Variants in SPTLC2 observed in about 807,000 individuals in gnomAD.
The protein encoded by SPTLC2 is serine palmitoyltransferase long chain base subunit 2, also known as serine palmitoyltransferase 2.
In SPTLC2, 21 loss-of-function variants were observed where a neutral mutation model predicts 62.0. That is an observed-to-expected ratio of 0.34 (90% CI 0.24 to 0.49). The LOEUF is 0.49. SPTLC2 is among the 20% of genes least tolerant of loss of function. The pLI, the probability that SPTLC2 is intolerant of heterozygous loss-of-function variation, is 0.99. For synonymous variants in SPTLC2, 261 were observed against 261.8 expected (o/e 1.00, Z 0.03); for missense variants, 511 against 713.0 (o/e 0.72, Z 3.23).
Position 77,518,176 on chromosome 14 carries a change from G to A in SPTLC2, c.1440-9C>T, listed in dbSNP as rs2079367989. 5 of 1,613,992 alleles carry A rather than the reference G, an allele frequency of 3.1e-6. No homozygotes were observed. The East Asian group carries it at 8.9e-5, about 29-fold the overall frequency. On this transcript the variant is annotated splice_polypyrimidine_tract_variant and intron_variant, in intron 10 of 11. Coordinates refer to ENST00000216484, the MANE Select transcript of SPTLC2 (RefSeq NM_004863.4). ...TCTCCCGTCCAAAGGCGCTGCAAAG[G>A]GGAAAACAAGAACAGAAACCAGGAG...
chr14:77,594,934 C>T (rs954226618), intron 2 of SPTLC2, among the ~76,000 whole-genome samples: 1 of 152,140 alleles, frequency 6.6e-6, no homozygotes, highest in African/African-American at 2.4e-5. Context: ...AGGATACAGG[C>T]CTGTGAACAA....
intron 1 of SPTLC2, among the ~76,000 whole-genome samples, chr14:77,610,983 C>T: frequency 1.1e-5 from 1 of 91,480 alleles, no homozygotes; most frequent in African/African-American, 4.2e-5. Flanking sequence ...ATAGTAAGAC[C>T]CATCTCTACA....
chr14:77,530,501 G>A (rs2079432973), intron 9 of SPTLC2, among the ~76,000 whole-genome samples: 1 of 151,908 alleles, frequency 6.6e-6, no homozygotes, highest in Admixed American at 6.6e-5. Flanking sequence ...GCTAATTTTT[G>A]TATTTTTAGT....
intron 7 of SPTLC2, 98 bp downstream of exon 7, chr14:77,556,943 G>T: frequency 1.0e-6 from 1 of 955,050 alleles, no homozygotes; most frequent in Non-Finnish European, 1.7e-6. Flanking sequence ...TGTCTCCTTA[G>T]TTTCCAGAGG....
chr14:77,601,301 G>A (rs1049040729), intron 1 of SPTLC2, among the ~76,000 whole-genome samples: 3 of 151,992 alleles, frequency 2.0e-5, no homozygotes, highest in Admixed American at 6.6e-5. Context: ...CACCCTAACC[G>A]ATCAATGTAC....
intron 9 of SPTLC2, among the ~76,000 whole-genome samples, chr14:77,536,816 A>G (rs987524804): frequency 9.9e-5 from 15 of 152,142 alleles, no homozygotes; most frequent in African/African-American, 3.1e-4. Flanking sequence ...CCTATGGACA[A>G]TTTTCTGCAG....
intron 2 of SPTLC2, among the ~76,000 whole-genome samples, chr14:77,581,244 T>A (rs139251911): frequency 1.3e-5 from 2 of 152,164 alleles, no homozygotes; most frequent in Non-Finnish European, 2.9e-5. Flanking sequence ...AAGATTTTCA[T>A]TGCTAAAGAA....
intron 5 of SPTLC2, among the ~76,000 whole-genome samples, chr14:77,563,324 C>G (rs2079625083): frequency 6.6e-6 from 1 of 152,138 alleles, no homozygotes; most frequent in Admixed American, 6.5e-5. Flanking sequence ...AACTGCCTCA[C>G]CCTCACATTT....
In SPTLC2 at chr14:77,509,925, T is replaced by C; in HGVS notation, c.*2359A>G. ...TAAATGCCGGTACTGACATTTGAATTTGCAGTGACTTCATGCAAGCCAAAA... is the reference window on the plus strand; with the variant it reads ...TAAATGCCGGTACTGACATTTGAATCTGCAGTGACTTCATGCAAGCCAAAA... On this transcript the variant is annotated 3_prime_UTR_variant, in exon 12 of 12. Transcript: ENST00000216484. 2.5e-6 allele frequency: 1 copy of C among 398,450 alleles called. No homozygotes were observed. Among genetic ancestry groups the C allele is most frequent in the Non-Finnish European group, 4.4e-6 (1 of 225,978 alleles). 24.7% of individuals were successfully genotyped at this position (398,450 alleles called of 1,614,324 possible).
intron 5 of SPTLC2, among the ~76,000 whole-genome samples, chr14:77,564,289 G>A (rs2079631386): frequency 1.2e-5 from 1 of 80,164 alleles, no homozygotes; most frequent in Non-Finnish European, 2.8e-5. Context: ...AGGAGGAAAA[G>A]GAGGAAGAGG....
Position 77,531,521 on chromosome 14 carries a change from CTTCTTT to C in SPTLC2, c.1304-9946_1304-9941del, listed in dbSNP as rs1465582612. 2.4e-5 allele frequency among the ~76,000 whole-genome samples: 3 copies of C among 123,298 alleles called. No homozygotes were observed. The East Asian group carries it at 8.8e-4, about 36-fold the overall frequency. 80.9% of individuals were successfully genotyped at this position (123,298 alleles called of 152,430 possible). On this transcript the variant is annotated intron_variant, in intron 9 of 11. Coordinates refer to ENST00000216484, the MANE Select transcript of SPTLC2 (RefSeq NM_004863.4). ...TCCTCCTCCTCCTCTTCTTCTTCTT[CTTCTTT>C]TTTGTGATGGAGTTTTGCTTTTGTT...
intron 1 of SPTLC2, 56 bp from the exon 2 acceptor site, chr14:77,597,436 C>A: frequency 6.5e-7 from 1 of 1,529,080 alleles, no homozygotes; most frequent in Non-Finnish European, 9.0e-7. Flanking sequence ...ACATTCCTAC[C>A]TAAAATCTAG....
intron 6 of SPTLC2, among the ~76,000 whole-genome samples, chr14:77,560,340 T>G (rs924201558): frequency 1.3e-5 from 2 of 152,036 alleles, no homozygotes; most frequent in Non-Finnish European, 2.9e-5. Context: ...ATAATCCCAG[T>G]ACTGGGAGGC....
chr14:77,510,505 C>G lies in SPTLC2; in HGVS notation c.*1779G>C, dbSNP rs2079326900. The stretch of plus-strand genomic sequence containing the variant: ...CTTTTTTTTTTGAGACACAGTTTTG[C>G]TCTGTCACCCAGGCTAGAGTGCAGT... On this transcript the variant is annotated 3_prime_UTR_variant, in exon 12 of 12. Transcript: ENST00000216484. The G allele has an allele frequency of 6.6e-6, 1 of 152,030 alleles. No individual in the cohort carries two copies. Among genetic ancestry groups the G allele is most frequent in the South Asian group, 2.1e-4 (1 of 4,824 alleles). The allele number at this position is 152,030 out of a possible 1,614,324, so 9.4% of individuals were successfully genotyped here.
intron 1 of SPTLC2, among the ~76,000 whole-genome samples, chr14:77,611,537 A>C (rs2140067673): frequency 6.6e-6 from 1 of 152,210 alleles, no homozygotes; most frequent in African/African-American, 2.4e-5. Flanking sequence ...TTAAAAAACA[A>C]ACCTCCGGCT....
chr14:77,560,694 T>C (rs866390314), intron 6 of SPTLC2, among the ~76,000 whole-genome samples: 1 of 151,020 alleles, frequency 6.6e-6, no homozygotes, highest in African/African-American at 2.4e-5. Context: ...AAGAATGAGA[T>C]CATGTCCTTT....
rs554625950 is a variant in SPTLC2, at chr14:77,555,235, C to CT, written c.1176+64dup. Reference sequence around the variant, plus strand: ...CAGTTCAGGGCCCCATCTGCTAGGCCTGAGGTACCAAATCTAATTGCCAGT... The same window carrying CT: ...CAGTTCAGGGCCCCATCTGCTAGGCCTTGAGGTACCAAATCTAATTGCCAGT... On this transcript the variant is annotated intron_variant, in intron 8 of 11. Coordinates refer to ENST00000216484, the MANE Select transcript of SPTLC2 (RefSeq NM_004863.4). 80 of 1,601,640 alleles carry CT rather than the reference C, an allele frequency of 5.0e-5. No homozygotes were observed. The South Asian group carries it at 8.1e-4, about 16-fold the overall frequency.
chr14:77,574,551 ACAG>A (rs1463481269), intron 4 of SPTLC2, among the ~76,000 whole-genome samples: 1 of 152,240 alleles, frequency 6.6e-6, no homozygotes, highest in Non-Finnish European at 1.5e-5. Flanking sequence ...ACCCACGTTC[ACAG>A]CAGCACTGCT....
chr14:77,531,896 G>C (rs1295206597), intron 9 of SPTLC2, among the ~76,000 whole-genome samples: 1 of 152,112 alleles, frequency 6.6e-6, no homozygotes, highest in African/African-American at 2.4e-5. Flanking sequence ...ACACTTCATT[G>C]TATGAATGTC....
Sources: allele counts gnomAD v4.1 joint callset (sites outside exome capture counted in the v4.1 genomes callset), GRCh38; gene constraint gnomAD v4.1.1; transcripts MANE v1.5; gene names NCBI Gene and HGNC (gene_info 2026-07-23, HGNC 2026-07-21).